TASOR2: variants seen among roughly 807,000 people sequenced by gnomAD.
TASOR2 encodes protein TASOR 2.
A neutral mutation model predicts 199.5 loss-of-function variants in TASOR2; 84 were observed. The observed-to-expected ratio is 0.42, with a 90% confidence interval of 0.35 to 0.50. TASOR2 has a LOEUF of 0.50. Ranked by LOEUF, TASOR2 falls within the 20% of genes least tolerant of loss-of-function variation. The pLI is 0.02. For synonymous variants in TASOR2, 1,103 were observed against 1,046.6 expected (o/e 1.05, Z -1.04); for missense variants, 2,796 against 2,835.9 (o/e 0.99, Z 0.32).
exon 16 of TASOR2, chr10:5,756,697 A>G: frequency 2.5e-6 from 4 of 1,613,240 alleles, no homozygotes; most frequent in Non-Finnish European, 3.4e-6. Flanking sequence ...TACACTAATC[A>G]TCATCATCAG....
chr10:5,709,616 T>TA, intron 1 of TASOR2: 1 of 1,231,164 alleles, frequency 8.1e-7, no homozygotes, highest in South Asian at 4.1e-5. Context: ...CCCTCCCAGC[T>TA]ACATTCTCTC....
chr10:5,687,628 T>G lies in TASOR2; in HGVS notation c.-288+2453T>G, dbSNP rs1481230085. Among the ~76,000 whole-genome samples the G allele has an allele frequency of 2.6e-5, 4 of 152,224 alleles. No individual in the cohort carries two copies. The highest frequency in any genetic ancestry group is 5.9e-5 in the Non-Finnish European group (4 of 68,038). On this transcript the variant is annotated intron_variant, in intron 1 of 20. Coordinates refer to ENST00000328090, the Ensembl canonical transcript of TASOR2. This position sits in a 1 kb window ranked among gnomAD's most constrained non-coding sequence, Gnocchi z 4.8. ...TGAGGTCAGGAGTTAGGGACCAGCC[T>G]GGCCAACATGGTGAAACACCATCTC... is the stretch of plus-strand genomic sequence containing the variant.
rs927640509 is a variant in TASOR2, at chr10:5,737,052, C to A, written c.1447+1506C>A. On this transcript the variant is annotated intron_variant, in intron 12 of 20. Coordinates refer to ENST00000328090, the Ensembl canonical transcript of TASOR2. This position sits in a 1 kb window ranked among gnomAD's most constrained non-coding sequence, Gnocchi z 4.9. ...TCGGCTCACTGCAACCTCTGCCTCCCAGGTTCAAGCAGTTTTCCTGCCTCA... is the reference window on the plus strand; with the variant it reads ...TCGGCTCACTGCAACCTCTGCCTCCAAGGTTCAAGCAGTTTTCCTGCCTCA... 3.3e-5 allele frequency among the ~76,000 whole-genome samples: 5 copies of A among 152,254 alleles called. No individual in the cohort carries two copies. Among genetic ancestry groups the A allele is most frequent in the African/African-American group, 1.2e-4 (5 of 41,548 alleles).
chr10:5,743,572 CT>C lies in TASOR2; in HGVS notation c.2757+1055del, dbSNP rs34296348. ...AACCTAAATGTTAACTATGTATGTG[CT>C]TTTTTTTTCCCCTAAAGATGGGGTT... is the stretch of plus-strand genomic sequence containing the variant. On this transcript the variant is annotated intron_variant, in intron 14 of 20. Coordinates refer to ENST00000328090, the Ensembl canonical transcript of TASOR2. 6.1e-3 allele frequency among the ~76,000 whole-genome samples: 929 copies of C among 151,626 alleles called. 16 individuals carry two copies. Among genetic ancestry groups the C allele is most frequent in the African/African-American group, 0.021 (884 of 41,342 alleles).
chr10:5,708,221 T>C (rs1831381643), intron 1 of TASOR2, among the ~76,000 whole-genome samples: 1 of 151,818 alleles, frequency 6.6e-6, no homozygotes, highest in African/African-American at 2.4e-5. Context: ...TAATCAGTCA[T>C]ATTAAACTAT....
At chr10:5,721,958 A>G (rs192103066) in intron 6 of TASOR2, among the ~76,000 whole-genome samples, 2 of 152,326 alleles carry the variant, frequency 1.3e-5, no homozygotes, top group Non-Finnish European at 2.9e-5. Flanking sequence ...GAAAAGACTG[A>G]AAAACTGTTC....
chr10:5,719,350 T>C lies in TASOR2; in HGVS notation c.-99-1194T>C, dbSNP rs953237175. Among the ~76,000 whole-genome samples the C allele has an allele frequency of 6.6e-6, 1 of 152,154 alleles. No individual in the cohort carries two copies. Among genetic ancestry groups the C allele is most frequent in the African/African-American group, 2.4e-5 (1 of 41,452 alleles). On this transcript the variant is annotated intron_variant, in intron 3 of 20. Coordinates refer to ENST00000328090, the Ensembl canonical transcript of TASOR2. The surrounding 1 kb of genome is among the most constrained non-coding windows in gnomAD (Gnocchi z 4.1). ...CTTACTTGCTTTTTATTTTTTTGTT[T>C]GTTTGTTTTTTGAGACAGAGTCTTG... is the stretch of plus-strand genomic sequence containing the variant.
exon 15 of TASOR2, chr10:5,749,503 T>A (rs1279479605): frequency 6.2e-7 from 1 of 1,614,072 alleles, no homozygotes; most frequent in Non-Finnish European, 8.5e-7. Context: ...TGAGGCCCCA[T>A]TTCTGCATCC....
chr10:5,697,435 C>CA (rs1837297750), intron 1 of TASOR2, among the ~76,000 whole-genome samples: 1 of 152,112 alleles, frequency 6.6e-6, no homozygotes, highest in Non-Finnish European at 1.5e-5. Flanking sequence ...CAGCCCTATC[C>CA]AAAGAGAGAA....
chr10:5,733,164 C>CA (rs1194623848), intron 11 of TASOR2, among the ~76,000 whole-genome samples: 4 of 150,852 alleles, frequency 2.7e-5, no homozygotes, highest in African/African-American at 4.9e-5. Context: ...ACAAAAATTT[C>CA]AAAAAAAAAT....
chr10:5,712,865 C>T (rs1832091988), exon 2 of TASOR2: 2 of 1,231,244 alleles, frequency 1.6e-6, no homozygotes, highest in Non-Finnish European at 2.0e-6. Context: ...TAGTTATACT[C>T]AGGAAGAACT....
chr10:5,739,218 C>T (rs909944183), intron 12 of TASOR2, among the ~76,000 whole-genome samples: 1 of 152,138 alleles, frequency 6.6e-6, no homozygotes, highest in Non-Finnish European at 1.5e-5. Flanking sequence ...TTGTAAGCTC[C>T]CAAGGGCAGG....
At chr10:5,718,251 C>T (rs1832888430) in intron 3 of TASOR2, among the ~76,000 whole-genome samples, 1 of 151,460 alleles carries the variant, frequency 6.6e-6, no homozygotes, top group Non-Finnish European at 1.5e-5. Context: ...GAATTTTCAC[C>T]CAAACAGAAG....
rs969908871 is a variant in TASOR2, at chr10:5,751,221, C to G, written c.6606+1194C>G. ...AACTTAGTAATAAGTTGGGAGCTAACTTGAGACTGTGTAAAATCCTATTCC... is the reference window on the plus strand; with the variant it reads ...AACTTAGTAATAAGTTGGGAGCTAAGTTGAGACTGTGTAAAATCCTATTCC... On this transcript the variant is annotated intron_variant, in intron 15 of 20. Coordinates refer to ENST00000328090, the Ensembl canonical transcript of TASOR2. The surrounding 1 kb of genome is among the most constrained non-coding windows in gnomAD (Gnocchi z 5.3). Among the ~76,000 whole-genome samples the G allele has an allele frequency of 2.6e-5, 4 of 152,172 alleles. No homozygotes were observed. The highest frequency in any genetic ancestry group is 9.7e-5 in the African/African-American group (4 of 41,446).
At chr10:5,711,013 G>A (rs573516413) in intron 1 of TASOR2, among the ~76,000 whole-genome samples, 2 of 152,186 alleles carry the variant, frequency 1.3e-5, no homozygotes, top group South Asian at 4.1e-4. Context: ...CATCTATTCA[G>A]AATATCCCTA....
exon 20 of TASOR2, chr10:5,762,546 C>A: frequency 1.8e-6 from 2 of 1,096,748 alleles, no homozygotes; most frequent in East Asian, 2.8e-5. Context: ...GCCTACTATC[C>A]CCAGAGAAGT....
At position 5,730,859 on chromosome 10, in the gene TASOR2, C is replaced by T. The variant is rs1834716873; in HGVS notation, c.860C>T (p.Ser287Phe). 2 of 1,614,092 alleles carry T rather than the reference C, an allele frequency of 1.2e-6. No individual in the cohort carries two copies. The highest frequency in any genetic ancestry group is 1.7e-5 in the Admixed American group (1 of 60,010). ...GACTTGCTAGCAGAGCATCCTCAGT[C>T]TCCTTGTGTTTCAGACGGAATTTGT... Residue 287 changes from serine to phenylalanine, a missense_variant, in exon 11 of 21, where the codon TCT (serine) becomes TTT (phenylalanine). Ser to Phe is a radical substitution (Grantham distance 155). Transcript: ENST00000328090. The surrounding 1 kb of genome is among the most constrained non-coding windows in gnomAD (Gnocchi z 4.1).
At chr10:5,721,020 G>C (rs1833292992) in intron 6 of TASOR2, 50 bp downstream of exon 7, 1 of 1,497,136 alleles carries the variant, frequency 6.7e-7, no homozygotes, top group Non-Finnish European at 9.1e-7. Context: ...TACAAGTTTT[G>C]GGGTTTTTTT....
rs1454337527 is a variant in TASOR2 at position 5,742,969 on chromosome 10, T to A, written c.2757+443T>A. Among the ~76,000 whole-genome samples, 2 of 152,220 alleles carry A rather than the reference T, an allele frequency of 1.3e-5. No individual in the cohort carries two copies. The highest frequency in any genetic ancestry group is 2.9e-5 in the Non-Finnish European group (2 of 68,044). On this transcript the variant is annotated intron_variant, in intron 14 of 20. Transcript: ENST00000328090. The surrounding 1 kb of genome is among the most constrained non-coding windows in gnomAD (Gnocchi z 4.2). Reference sequence around the variant, plus strand: ...TAAAATTATTTTTGAAGACAGATGCTGGAATAGTAAAATGCCAGACCTGTG... The same window carrying A: ...TAAAATTATTTTTGAAGACAGATGCAGGAATAGTAAAATGCCAGACCTGTG...
Sources: allele counts gnomAD v4.1 joint callset (sites outside exome capture counted in the v4.1 genomes callset), GRCh38; gene constraint gnomAD v4.1.1; non-coding constraint Gnocchi (gnomAD v3.1); transcripts MANE v1.5; gene names NCBI Gene and HGNC (gene_info 2026-07-23, HGNC 2026-07-21).